The following SPTBN4 variants were observed in gnomAD, a reference collection of about 807,000 sequenced individuals.
The protein encoded by SPTBN4 is spectrin beta, non-erythrocytic 4.
In SPTBN4, 96 loss-of-function variants were observed where a neutral mutation model predicts 277.8. The observed-to-expected ratio is 0.35, with a 90% CI of 0.29 to 0.41. The LOEUF is 0.41. SPTBN4 is among the 10% of genes least tolerant of loss of function. The pLI, the probability that SPTBN4 is intolerant of heterozygous loss-of-function variation, is 1.00. For missense variants in SPTBN4, 3,006 were observed against 3,595.7 expected (o/e 0.84, Z 4.19); for synonymous variants, 1,481 against 1,580.3 (o/e 0.94, Z 1.49).
Position 40,523,482 on chromosome 19 carries a change from G to A in SPTBN4, c.3700G>A (p.Val1234Met). The change falls in exon 17 of 36, where the codon GTG (valine) becomes ATG (methionine). Residue 1234 changes from valine (V) to methionine (M), a missense_variant. Transcript: ENST00000598249. ...GGAGCTCCCGGGCACAGTGGAATCGGTGGAGGAGGCCTTGAAACAGCACCG... is the reference window on the plus strand; with the variant it reads ...GGAGCTCCCGGGCACAGTGGAATCGATGGAGGAGGCCTTGAAACAGCACCG... ...GAELPGTVES[V>M]EEALKQHRDF... is the part of the protein sequence containing the mutation. 1 of 1,613,284 alleles carries A rather than the reference G, an allele frequency of 6.2e-7. No homozygotes were observed. Among genetic ancestry groups the A allele is most frequent in the South Asian group, 1.1e-5 (1 of 90,814 alleles).
intron 17 of SPTBN4, among the ~76,000 whole-genome samples, chr19:40,526,593 C>CT (rs1390613639): frequency 1.3e-5 from 2 of 151,730 alleles, no homozygotes. Flanking sequence ...CTTTTCTTTT[C>CT]TTTTTTTTAA....
At position 40,535,704 on chromosome 19, in the gene SPTBN4, G is replaced by A. The variant is rs577064037; in HGVS notation, c.4359+1361G>A. 6.6e-5 allele frequency among the ~76,000 whole-genome samples: 10 copies of A among 152,166 alleles called. 1 individual carries two copies. Among genetic ancestry groups the A allele is most frequent in the East Asian group, 5.8e-4 (3 of 5,162 alleles). ...CCCCAGCACTTCGGGAGGCCGAGGC[G>A]GGCGGATCACGAGGTCAACAGTTCG... On this transcript the variant is annotated intron_variant, in intron 20 of 35. Coordinates refer to ENST00000598249, the MANE Select transcript of SPTBN4 (RefSeq NM_020971.3).
chr19:40,469,480 G>T (rs1353322051), intron 1 of SPTBN4, among the ~76,000 whole-genome samples: 1 of 151,658 alleles, frequency 6.6e-6, no homozygotes, highest in Non-Finnish European at 1.5e-5. Flanking sequence ...GGCCAGGCTG[G>T]TCTTGAACTC....
intron 19 of SPTBN4, among the ~76,000 whole-genome samples, chr19:40,533,105 G>A (rs1234268981): frequency 1.3e-5 from 2 of 152,106 alleles, no homozygotes; most frequent in Non-Finnish European, 2.9e-5. Flanking sequence ...TTGGGGAGAT[G>A]GGCTGGGACA....
At chr19:40,514,359 C>T (rs887907803) in intron 14 of SPTBN4, among the ~76,000 whole-genome samples, 25 of 152,134 alleles carry the variant, frequency 1.6e-4, no homozygotes, top group African/African-American at 5.1e-4. Context: ...CAGTGGCTGC[C>T]ATGTGGAGGG....
At position 40,549,184 on chromosome 19, in the gene SPTBN4, C is replaced by A; in HGVS notation, c.4360-5C>A. On this transcript the variant is annotated splice_region_variant and splice_polypyrimidine_tract_variant and intron_variant, in intron 20 of 35. Coordinates refer to ENST00000598249, the MANE Select transcript of SPTBN4 (RefSeq NM_020971.3). The stretch of plus-strand genomic sequence containing the variant: ...GGCCCATTGACCCTGCCTCTGTCCC[C>A]ACAGTCCATGGAGTCGCAGGTGGAG... 6.5e-7 allele frequency: 1 copy of A among 1,540,464 alleles called. No individual in the cohort carries two copies. Among genetic ancestry groups the A allele is most frequent in the African/African-American group, 1.4e-5 (1 of 72,486 alleles).
At position 40,554,331 on chromosome 19, in the gene SPTBN4, C is replaced by A; in HGVS notation, c.4859C>A (p.Ala1620Asp). 1 of 1,562,228 alleles carries A rather than the reference C, an allele frequency of 6.4e-7. No individual in the cohort carries two copies. Among genetic ancestry groups the A allele is most frequent in the Admixed American group, 1.9e-5 (1 of 53,948 alleles). Residue 1620 changes from alanine to aspartate, a missense_variant, in exon 23 of 36, where the codon GCC (alanine) becomes GAC (aspartate). Coordinates refer to ENST00000598249, the MANE Select transcript of SPTBN4 (RefSeq NM_020971.3). The surrounding 1 kb of genome is among the most constrained non-coding windows in gnomAD (Gnocchi z 5.7). ...CGACGGCAGCAGGTGCTGGACGCCG[C>A]CTTCCAGGTGGAGCAGTACTACTTC... ...AERRQQVLDA[A>D]FQVEQYYFDV...
chr19:40,511,778 G>A (rs2080393798), intron 13 of SPTBN4, among the ~76,000 whole-genome samples: 1 of 152,124 alleles, frequency 6.6e-6, no homozygotes, highest in South Asian at 2.1e-4. Flanking sequence ...CACTGGGATT[G>A]ATAGATAATG....
Position 40,550,281 on chromosome 19 carries a change from G to A in SPTBN4, c.4628G>A (p.Arg1543Gln), listed in dbSNP as rs779832728. The A allele has an allele frequency of 1.1e-5, 17 of 1,612,756 alleles. No individual in the cohort carries two copies. Among genetic ancestry groups the A allele is most frequent in the South Asian group, 4.4e-5 (4 of 91,080 alleles). Reference protein sequence around the residue: ...ERLPLAMQTERGNGLQAVQQH... With the variant: ...ERLPLAMQTEQGNGLQAVQQH... Reference sequence around the variant, plus strand: ...CTGCCACTGGCCATGCAGACAGAGCGAGGCAACGGTTTGCAGGCGGTCCAG... The same window carrying A: ...CTGCCACTGGCCATGCAGACAGAGCAAGGCAACGGTTTGCAGGCGGTCCAG... The change falls in exon 22 of 36, where the codon CGA (arginine) becomes CAA (glutamine). Residue 1543 changes from arginine (R) to glutamine (Q), a missense_variant. Arg to Gln is a conservative substitution (Grantham distance 43, BLOSUM62 1). This residue lies in a region of SPTBN4 where 1,759 missense variants were observed against 2,061.5 expected (regional missense o/e 0.85). Transcript: ENST00000598249.
intron 21 of SPTBN4, 152 bp from the exon 22 acceptor site, chr19:40,550,086 A>G: frequency 1.6e-6 from 1 of 616,482 alleles, no homozygotes; most frequent in South Asian, 2.1e-5. Context: ...TCTCAAAGAA[A>G]AAAAAAAAAC....
At chr19:40,549,091 G>A (rs2080887771) in intron 20 of SPTBN4, 98 bp from the exon 21 acceptor site, 2 of 1,000,640 alleles carry the variant, frequency 2.0e-6, no homozygotes, top group Admixed American at 2.8e-5. Flanking sequence ...AGGGTGGGCC[G>A]CGGTGAGGGG....
chr19:40,467,098 G>T lies in SPTBN4; in HGVS notation c.-223G>T, dbSNP rs1253417481. The T allele has an allele frequency of 6.7e-6, 1 of 149,614 alleles. No homozygotes were observed. Among genetic ancestry groups the T allele is most frequent in the Non-Finnish European group, 1.5e-5 (1 of 66,766 alleles). 9.3% of individuals were successfully genotyped at this position (149,614 alleles called of 1,614,324 possible). ...CGGGGCGCGGGGACCGCGGGCGGGA[G>T]GGGGTCCCGGGGGCGCGCTGAGCGC... On this transcript the variant is annotated 5_prime_UTR_variant, in exon 1 of 36. The change creates a new upstream start codon in the 5' untranslated region. Transcript: ENST00000598249.
chr19:40,523,779 T>A, intron 17 of SPTBN4, 140 bp downstream of exon 17: 2 of 818,176 alleles, frequency 2.4e-6, no homozygotes, highest in Non-Finnish European at 3.7e-6. Flanking sequence ...TTCTATTTAA[T>A]TCCATGTTGT....
intron 5 of SPTBN4, among the ~76,000 whole-genome samples, chr19:40,494,291 T>C (rs1341111140): frequency 6.6e-6 from 1 of 151,846 alleles, no homozygotes. Context: ...TGTACTTATC[T>C]CTTCTCTCCT....
rs931153169 is a variant in SPTBN4, at chr19:40,519,788, C to G, written c.3291C>G (p.Leu1097=). 2 of 1,434,128 alleles carry G rather than the reference C, an allele frequency of 1.4e-6. No individual in the cohort carries two copies. The highest frequency in any genetic ancestry group is 1.8e-6 in the Non-Finnish European group (2 of 1,107,554). 88.8% of individuals were successfully genotyped at this position (1,434,128 alleles called of 1,614,324 possible). The change falls in exon 16 of 36, where the codon CTC becomes CTG. Residue 1097 remains leucine (L), a synonymous_variant. Transcript: ENST00000598249. The surrounding 1 kb of genome is among the most constrained non-coding windows in gnomAD (Gnocchi z 5.7). ...GCCTGCAGCGCTTCCTACATGACCT[C>G]GACGCTTTCCTGGACTGGCTCGTGC... The part of the protein sequence containing the change: ...AGRLQRFLHD[L]DAFLDWLVRA...
intron 14 of SPTBN4, among the ~76,000 whole-genome samples, chr19:40,514,678 A>G (rs1435627094): frequency 1.3e-5 from 2 of 152,098 alleles, no homozygotes; most frequent in African/African-American, 4.8e-5. Context: ...GAGGCTGGAG[A>G]CTGAGGTGTG....
At chr19:40,524,137 A>G (rs2080561999) in intron 17 of SPTBN4, among the ~76,000 whole-genome samples, 1 of 152,112 alleles carries the variant, frequency 6.6e-6, no homozygotes, top group African/African-American at 2.4e-5. Flanking sequence ...TGTCAACCCA[A>G]AAGATACAGA....
chr19:40,561,595 G>C lies in SPTBN4; in HGVS notation c.5915+1192G>C, dbSNP rs189445841. The stretch of plus-strand genomic sequence containing the variant: ...CCAGCACTTTGGGAGGCTGAGGCAG[G>C]CAGATCACCTGAGCTCAGGAGTTTG... On this transcript the variant is annotated intron_variant, in intron 27 of 35. Transcript: ENST00000598249. 2.6e-5 allele frequency among the ~76,000 whole-genome samples: 4 copies of C among 152,238 alleles called. No homozygotes were observed. In the East Asian group the frequency reaches 7.7e-4, roughly 29 times the overall value.
chr19:40,559,554 A>G (rs1052835155), intron 26 of SPTBN4, among the ~76,000 whole-genome samples: 2 of 152,184 alleles, frequency 1.3e-5, no homozygotes, highest in Non-Finnish European at 2.9e-5. Flanking sequence ...AGGCTGAGGC[A>G]GGAGGATCAC....
Sources: allele counts gnomAD v4.1 joint callset (sites outside exome capture counted in the v4.1 genomes callset), GRCh38; gene constraint gnomAD v4.1.1; regional missense constraint gnomAD v4.1.1; non-coding constraint Gnocchi (gnomAD v3.1); transcripts MANE v1.5; gene names NCBI Gene and HGNC (gene_info 2026-07-23, HGNC 2026-07-21).